The following ATG7 variants were observed in gnomAD, a reference collection of about 807,000 sequenced individuals.
The protein encoded by ATG7 is autophagy related 7.
ATG7 carries 70 observed loss-of-function variants against 82.4 expected under a neutral mutation model. That is an observed-to-expected ratio of 0.85 (90% CI 0.70 to 1.04). The LOEUF is 1.04. Ranked by LOEUF, ATG7 falls within the 50% of genes least tolerant of loss-of-function variation. ATG7 has a pLI of 0.00. For synonymous variants in ATG7, 287 were observed against 313.0 expected (o/e 0.92, Z 0.88); for missense variants, 792 against 864.3 (o/e 0.92, Z 1.05).
At chr3:11,540,482 T>TA (rs377581432) in intron 20 of ATG7, among the ~76,000 whole-genome samples, 232 of 146,140 alleles carry the variant, frequency 1.6e-3, no homozygotes, top group African/African-American at 5.0e-3. Context: ...CTATAAAAAA[T>TA]AAAAATAAAT....
chr3:11,500,171 GAAC>G (rs1186205219), intron 20 of ATG7, among the ~76,000 whole-genome samples: 1 of 152,094 alleles, frequency 6.6e-6, no homozygotes, highest in Non-Finnish European at 1.5e-5. Context: ...GCAACATAAA[GAAC>G]AATATGAACA....
At chr3:11,411,759 G>A (rs1238767018) in intron 19 of ATG7, among the ~76,000 whole-genome samples, 1 of 150,432 alleles carries the variant, frequency 6.6e-6, no homozygotes, top group Non-Finnish European at 1.5e-5. Flanking sequence ...TGTTTCCTGT[G>A]CCTTTGATGT....
chr3:11,574,371 G>A, the ATG7 span, among the ~76,000 whole-genome samples: 5 of 152,170 alleles, frequency 3.3e-5, no homozygotes, highest in African/African-American at 2.4e-5. Flanking sequence ...CTGTATGCCT[G>A]TCATCCTGAG....
chr3:11,406,943 C>A (rs752144934), intron 19 of ATG7, among the ~76,000 whole-genome samples: 11 of 152,104 alleles, frequency 7.2e-5, no homozygotes, highest in Non-Finnish European at 8.8e-5. Flanking sequence ...TGGCCCCGTC[C>A]CTCTCAAATT....
chr3:11,556,933 A>G lies in ATG7; in HGVS notation c.*2090A>G, dbSNP rs1376284159. 3 of 152,762 alleles carry G rather than the reference A, an allele frequency of 2.0e-5. No homozygotes were observed. The highest frequency in any genetic ancestry group is 7.2e-5 in the African/African-American group (3 of 41,450). The allele number at this position is 152,762 out of a possible 1,614,324, so 9.5% of individuals were successfully genotyped here. A position where few individuals can be genotyped will look rare whatever the true frequency, so the allele number is the denominator to read the frequency against. The stretch of plus-strand genomic sequence containing the variant: ...AAAGGCCTGCAGCCACTCTGTGACT[A>G]CAAGAGCCAGTCCTCCGACCTTTTC... On this transcript the variant is annotated 3_prime_UTR_variant, in exon 21 of 21. Coordinates refer to ENST00000693202, the MANE Select transcript of ATG7 (RefSeq NM_001349232.2).
rs140668478 is a variant in ATG7, at chr3:11,492,588, C to T, written c.2080-62223C>T. Among the ~76,000 whole-genome samples the T allele has an allele frequency of 7.6e-3, 1,151 of 152,104 alleles. 9 individuals carry two copies. Among genetic ancestry groups the T allele is most frequent in the Non-Finnish European group, 0.011 (758 of 67,992 alleles). ...GCTCAACTCCTCGCGGGAGGGAGCA[C>T]GTGAATGAATAAGTTCAGGAACCAG... On this transcript the variant is annotated intron_variant, in intron 20 of 20. Transcript: ENST00000693202.
At chr3:11,449,927 T>C (rs2084942991) in intron 20 of ATG7, among the ~76,000 whole-genome samples, 1 of 152,234 alleles carries the variant, frequency 6.6e-6, no homozygotes, top group Non-Finnish European at 1.5e-5. Context: ...GGAGTTGAAG[T>C]AAATTCAACA....
intron 6 of ATG7, 125 bp from the exon 7 acceptor site, chr3:11,308,859 G>T: frequency 1.2e-6 from 1 of 834,188 alleles, no homozygotes; most frequent in East Asian, 2.4e-5. Context: ...TTCATTGTTT[G>T]GGGTAAGTGG....
intron 18 of ATG7, among the ~76,000 whole-genome samples, chr3:11,375,900 G>C (rs1490859309): frequency 6.6e-6 from 1 of 152,192 alleles, no homozygotes; most frequent in African/African-American, 2.4e-5. Flanking sequence ...CAAGTTGGCA[G>C]TTCCTCAAAA....
At chr3:11,384,700 C>T (rs1037681165) in intron 19 of ATG7, among the ~76,000 whole-genome samples, 1 of 152,174 alleles carries the variant, frequency 6.6e-6, no homozygotes, top group Non-Finnish European at 1.5e-5. Flanking sequence ...TGGCTCACAC[C>T]TGTAATCCCA....
chr3:11,505,285 G>A (rs79629947), intron 20 of ATG7, among the ~76,000 whole-genome samples: 48 of 152,296 alleles, frequency 3.2e-4, no homozygotes, highest in East Asian at 2.1e-3. Flanking sequence ...AGGAGTGTTC[G>A]CGCAGGTAGA....
At chr3:11,468,342 A>G (rs2087052609) in intron 20 of ATG7, among the ~76,000 whole-genome samples, 1 of 152,150 alleles carries the variant, frequency 6.6e-6, no homozygotes, top group Non-Finnish European at 1.5e-5. Context: ...CCAGCCCGCC[A>G]CTTCCCTGGA....
intron 19 of ATG7, among the ~76,000 whole-genome samples, chr3:11,408,251 C>G (rs1266768897): frequency 6.6e-6 from 1 of 152,210 alleles, no homozygotes; most frequent in African/African-American, 2.4e-5. Context: ...CAAAAGCCAC[C>G]TTTGTTCCAG....
intron 14 of ATG7, 93 bp from the exon 15 acceptor site, chr3:11,358,325 A>G (rs2076066345): frequency 1.5e-6 from 2 of 1,291,226 alleles, no homozygotes; most frequent in Admixed American, 4.3e-5. Flanking sequence ...GTATGTGAAC[A>G]CAAGTAAGTG....
chr3:11,566,608 T>C, the ATG7 span, among the ~76,000 whole-genome samples: 1 of 152,192 alleles, frequency 6.6e-6, no homozygotes, highest in African/African-American at 2.4e-5. Context: ...AACCATCTAC[T>C]TGCCATTCCT....
At chr3:11,273,558 T>C (rs572253190) in intron 1 of ATG7, among the ~76,000 whole-genome samples, 1 of 152,374 alleles carries the variant, frequency 6.6e-6, no homozygotes, top group East Asian at 1.9e-4. Flanking sequence ...CATAGTAAAC[T>C]TAACAGTGAC....
At chr3:11,421,198 G>A (rs1387358960) in intron 19 of ATG7, among the ~76,000 whole-genome samples, 1 of 152,190 alleles carries the variant, frequency 6.6e-6, no homozygotes. Context: ...TGGGGTGGCT[G>A]TGGCATTTTC....
chr3:11,464,477 C>CG (rs1252146441), intron 20 of ATG7, among the ~76,000 whole-genome samples: 3 of 152,196 alleles, frequency 2.0e-5, no homozygotes, highest in Non-Finnish European at 2.9e-5. Context: ...CGGTAAAGTA[C>CG]GGGGGGAGGC....
rs545582813 is a variant in ATG7 at position 11,390,335 on chromosome 3, A to G, written c.1956+10283A>G. 1.9e-4 allele frequency among the ~76,000 whole-genome samples: 28 copies of G among 150,646 alleles called. No individual in the cohort carries two copies. The South Asian group carries it at 3.5e-3, about 19-fold the overall frequency. ...AATGTCTGAGTAAGAAAACAAAAAC[A>G]TGTGTCTCCCAGCTCTATTGGAGGA... On this transcript the variant is annotated intron_variant, in intron 19 of 20. Transcript: ENST00000693202.
Sources: gnomAD v4.1 joint callset for allele counts (sites outside exome capture counted in the v4.1 genomes callset) on GRCh38, gnomAD v4.1.1 for gene constraint, MANE v1.5 for transcripts, NCBI Gene and HGNC (gene_info 2026-07-23, HGNC 2026-07-21) for gene names.